Variants in ZMYM2 observed in about 807,000 individuals in gnomAD.
ZMYM2 encodes zinc finger MYM-type containing 2.
In ZMYM2, 56 loss-of-function variants were observed where a neutral mutation model predicts 162.8. That is an observed-to-expected ratio of 0.34 (90% CI 0.28 to 0.43). The LOEUF (loss-of-function observed/expected upper bound fraction) is 0.43. Ranked by LOEUF, ZMYM2 falls within the 20% of genes least tolerant of loss-of-function variation. ZMYM2 has a pLI of 1.00. For missense variants in ZMYM2, 1,275 were observed against 1,621.8 expected, an observed-to-expected ratio of 0.79 and a Z score of 3.67; for synonymous variants, 510 against 541.6, an observed-to-expected ratio of 0.94 and a Z score of 0.81.
the ZMYM2 span, among the ~76,000 whole-genome samples, chr13:19,923,175 G>A: frequency 3.0e-5 from 4 of 135,530 alleles, no homozygotes; most frequent in East Asian, 2.2e-4. Flanking sequence ...GTGAAACCCC[G>A]TCTCTACTAA....
the ZMYM2 span, among the ~76,000 whole-genome samples, chr13:19,950,414 A>G: frequency 6.6e-6 from 1 of 152,252 alleles, no homozygotes; most frequent in Non-Finnish European, 1.5e-5. Context: ...GTTTCCCCTT[A>G]CAGGGTGAAC....
At chr13:19,899,039 G>A in the ZMYM2 span, among the ~76,000 whole-genome samples, 2 of 149,574 alleles carry the variant, frequency 1.3e-5, no homozygotes, top group East Asian at 2.0e-4. Context: ...TGCAGCCTCC[G>A]CCTCCCGGGT....
chr13:19,886,909 G>A, the ZMYM2 span, among the ~76,000 whole-genome samples: 6 of 151,506 alleles, frequency 4.0e-5, no homozygotes, highest in East Asian at 7.8e-4. Context: ...TGATGTGCCC[G>A]CCTTCGCCTC....
At chr13:20,015,111 C>T (rs1951515741) in intron 6 of ZMYM2, among the ~76,000 whole-genome samples, 2 of 152,004 alleles carry the variant, frequency 1.3e-5, no homozygotes, top group Admixed American at 6.6e-5. Context: ...ATAAATTTTT[C>T]TCTGATTAGT....
chr13:20,075,531 GT>G (rs1957421434), intron 21 of ZMYM2, among the ~76,000 whole-genome samples: 1 of 152,064 alleles, frequency 6.6e-6, no homozygotes, highest in Non-Finnish European at 1.5e-5. Flanking sequence ...ATATGAAAAT[GT>G]TTGAGGAAGA....
At chr13:19,928,130 C>A in the ZMYM2 span, among the ~76,000 whole-genome samples, 1 of 152,118 alleles carries the variant, frequency 6.6e-6, no homozygotes, top group South Asian at 2.1e-4. Context: ...CTCAGCTTCT[C>A]GTGTAGCTGG....
chr13:19,884,713 G>C, the ZMYM2 span, among the ~76,000 whole-genome samples: 2 of 151,854 alleles, frequency 1.3e-5, no homozygotes, highest in Non-Finnish European at 2.9e-5. Flanking sequence ...CGGATTCCTG[G>C]TCCAGAAAAA....
chr13:20,041,162 G>C (rs978395627), intron 12 of ZMYM2, among the ~76,000 whole-genome samples: 1 of 152,054 alleles, frequency 6.6e-6, no homozygotes, highest in African/African-American at 2.4e-5. Context: ...TGATCTGTCT[G>C]ATACTGTTAT....
chr13:20,074,196 T>TTG (rs59855358), intron 21 of ZMYM2, among the ~76,000 whole-genome samples: 8,967 of 141,472 alleles, frequency 0.063, 311 homozygotes, highest in East Asian at 0.14. Context: ...ATGTCAGAAT[T>TTG]TGTGTGTGTG....
the ZMYM2 span, among the ~76,000 whole-genome samples, chr13:19,884,406 C>G: frequency 6.6e-6 from 1 of 152,240 alleles, no homozygotes; most frequent in African/African-American, 2.4e-5. Context: ...TAACCCCCAT[C>G]TATGACTAAC....
At chr13:19,890,254 C>A in the ZMYM2 span, among the ~76,000 whole-genome samples, 4 of 151,734 alleles carry the variant, frequency 2.6e-5, no homozygotes. Context: ...GCAGTCTCCA[C>A]CTCCCAGGCT....
chr13:20,067,017 C>G lies in ZMYM2; in HGVS notation c.3299C>G (p.Ser1100Cys). Residue 1100 changes from serine (S) to cysteine (C), a missense_variant and splice_region_variant, in exon 20 of 25, where the codon TCT becomes TGT. Coordinates refer to ENST00000610343, the MANE Select transcript of ZMYM2 (RefSeq NM_197968.4). ...EDLLVLDELKSSKSVKLKEDL... is the reference protein window; with the variant it reads ...EDLLVLDELKCSKSVKLKEDL... ...CTTCTGGTATTAGATGAGTTAAAAT[C>G]TTGTAAGTGTTTTAATTTTGTTTCT... 2 of 1,593,202 alleles carry G rather than the reference C, an allele frequency of 1.3e-6. No individual in the cohort carries two copies. The highest frequency in any genetic ancestry group is 4.5e-5 in the East Asian group (2 of 44,602).
At chr13:19,959,827 G>A (rs1566151847) in intron 1 of ZMYM2, 131 bp from the exon 2 acceptor site, 1 of 152,404 alleles carries the variant, frequency 6.6e-6, no homozygotes, top group Admixed American at 6.6e-5. Context: ...CGCATGGTGG[G>A]GGTAATAATA....
chr13:20,041,492 G>C lies in ZMYM2; in HGVS notation c.2292+4583G>C, dbSNP rs115500445. 3.0e-3 allele frequency among the ~76,000 whole-genome samples: 451 copies of C among 152,208 alleles called. 4 individuals are homozygous for C. Among genetic ancestry groups the C allele is most frequent in the African/African-American group, 0.01 (423 of 41,540 alleles). ...TGAAGATAGCATACCAATGGGTCTTGTTTCCTTATCCAAGCCACTGTGTAC... is the reference window on the plus strand; with the variant it reads ...TGAAGATAGCATACCAATGGGTCTTCTTTCCTTATCCAAGCCACTGTGTAC... On this transcript the variant is annotated intron_variant, in intron 12 of 24. Coordinates refer to ENST00000610343, the MANE Select transcript of ZMYM2 (RefSeq NM_197968.4).
Position 20,058,632 on chromosome 13 carries a change from C to A in ZMYM2, c.2551C>A (p.Leu851Ile), listed in dbSNP as rs774333585. 1 of 1,613,798 alleles carries A rather than the reference C, an allele frequency of 6.2e-7. No homozygotes were observed. The highest frequency in any genetic ancestry group is 8.5e-7 in the Non-Finnish European group (1 of 1,179,782). The change falls in exon 15 of 25, where the codon CTT (leucine) becomes ATT (isoleucine). Residue 851 changes from leucine to isoleucine, a missense_variant. Leu to Ile is a conservative substitution (Grantham distance 5). This residue lies in a region of ZMYM2 where 177 missense variants were observed against 228.0 expected (regional missense o/e 0.78). Coordinates refer to ENST00000610343, the MANE Select transcript of ZMYM2 (RefSeq NM_197968.4). ...PNKEMKNKAVLCKPLTMTKAT... is the reference protein window; with the variant it reads ...PNKEMKNKAVICKPLTMTKAT... ...CAAAGAGATGAAGAACAAAGCAGTTCTTTGCAAACCTTTAACAATGACAAA... is the reference window on the plus strand; with the variant it reads ...CAAAGAGATGAAGAACAAAGCAGTTATTTGCAAACCTTTAACAATGACAAA...
chr13:20,067,055 T>G, intron 20 of ZMYM2, 36 bp downstream of exon 20: 1 of 1,534,832 alleles, frequency 6.5e-7, no homozygotes, highest in Non-Finnish European at 8.7e-7. Context: ...TAAGTCCTAT[T>G]TAAAATCAAG....
the ZMYM2 span, among the ~76,000 whole-genome samples, chr13:19,949,684 C>T: frequency 1.3e-4 from 19 of 151,906 alleles, no homozygotes; most frequent in African/African-American, 3.6e-4. Context: ...ATCAGGAGTT[C>T]GAGACCAGCC....
At chr13:19,902,415 G>A in the ZMYM2 span, among the ~76,000 whole-genome samples, 5 of 152,028 alleles carry the variant, frequency 3.3e-5, no homozygotes, top group African/African-American at 1.2e-4. Flanking sequence ...TCGGGAGTTC[G>A]AGACCAGCCT....
the ZMYM2 span, among the ~76,000 whole-genome samples, chr13:19,905,498 C>T: frequency 1.3e-5 from 2 of 152,266 alleles, no homozygotes; most frequent in South Asian, 4.1e-4. Context: ...AATTATCAGG[C>T]TGTCACACTT....
Sources: gnomAD v4.1 joint callset for allele counts (sites outside exome capture counted in the v4.1 genomes callset) on GRCh38, gnomAD v4.1.1 for gene constraint, gnomAD v4.1.1 regional missense constraint, MANE v1.5 for transcripts, NCBI Gene and HGNC (gene_info 2026-07-23, HGNC 2026-07-21) for gene names.